DLGAP1: variants seen among roughly 807,000 people sequenced by gnomAD.
The protein encoded by DLGAP1 is disks large-associated protein 1.
In DLGAP1, 11 loss-of-function variants were observed where a neutral mutation model predicts 90.8. The ratio of observed to expected loss-of-function variants is 0.12; its 90% confidence interval spans 0.08 to 0.20. DLGAP1 has a LOEUF of 0.20. Ranked by LOEUF, DLGAP1 falls within the 10% of genes least tolerant of loss-of-function variation. DLGAP1 has a pLI of 1.00. For missense variants in DLGAP1, 1,050 were observed against 1,333.8 expected (o/e 0.79, Z 3.31); for synonymous variants, 558 against 540.7 (o/e 1.03, Z -0.44).
At chr18:4,107,107 A>G (rs939902213) in intron 2 of DLGAP1, among the ~76,000 whole-genome samples, 1 of 152,238 alleles carries the variant, frequency 6.6e-6, no homozygotes, top group Non-Finnish European at 1.5e-5. Context: ...TATTTGTTTT[A>G]AAACTGCCTA....
chr18:4,315,481 C>A (rs2080504639), intron 1 of DLGAP1, among the ~76,000 whole-genome samples: 1 of 152,090 alleles, frequency 6.6e-6, no homozygotes, highest in Non-Finnish European at 1.5e-5. Flanking sequence ...ATTATATTGA[C>A]TTATATAACT....
At chr18:3,633,979 A>G (rs1182363686) in intron 7 of DLGAP1, among the ~76,000 whole-genome samples, 2 of 152,210 alleles carry the variant, frequency 1.3e-5, no homozygotes, top group South Asian at 2.1e-4. Context: ...TAAAGATACA[A>G]TGTCAAGTAA....
Position 3,629,399 on chromosome 18 carries a change from C to T in DLGAP1, c.1592-47151G>A, listed in dbSNP as rs369115347. ...ATAAAAATAAAAAATAGGCTGGGCG[C>T]GGTGGCTCAACCCTGTAATCCCAGC... On this transcript the variant is annotated intron_variant, in intron 7 of 12. Transcript: ENST00000315677. 2.7e-4 allele frequency among the ~76,000 whole-genome samples: 41 copies of T among 152,140 alleles called. No homozygotes were observed. In the East Asian group the frequency reaches 7.2e-3, roughly 27 times the overall value.
chr18:3,679,211 C>G (rs538843207), intron 7 of DLGAP1, among the ~76,000 whole-genome samples: 2 of 113,224 alleles, frequency 1.8e-5, no homozygotes, highest in Non-Finnish European at 3.4e-5. Flanking sequence ...CCTACTCCCA[C>G]CCCCATGGAT....
At chr18:4,190,553 CTCA>C (rs1468503319) in intron 1 of DLGAP1, among the ~76,000 whole-genome samples, 3 of 152,060 alleles carry the variant, frequency 2.0e-5, no homozygotes, top group Non-Finnish European at 4.4e-5. Flanking sequence ...TTAATATTAG[CTCA>C]TCAATTGTAA....
chr18:4,212,085 A>T (rs1281482312), intron 1 of DLGAP1, among the ~76,000 whole-genome samples: 2 of 151,406 alleles, frequency 1.3e-5, no homozygotes, highest in African/African-American at 4.9e-5. Flanking sequence ...CAATAGAAAT[A>T]CATTTTTCCT....
intron 1 of DLGAP1, among the ~76,000 whole-genome samples, chr18:4,420,555 G>A (rs558526546): frequency 1.3e-5 from 2 of 151,166 alleles, no homozygotes; most frequent in Admixed American, 1.3e-4. Flanking sequence ...GGGTCCCTGA[G>A]CATTGGGCTC....
At chr18:3,531,995 C>T (rs2052036009) in intron 10 of DLGAP1, among the ~76,000 whole-genome samples, 1 of 152,094 alleles carries the variant, frequency 6.6e-6, no homozygotes, top group Admixed American at 6.6e-5. Context: ...GCTGGGATTA[C>T]AGGCGTGTGC....
chr18:4,362,921 C>T (rs1002310677), intron 1 of DLGAP1, among the ~76,000 whole-genome samples: 3 of 152,058 alleles, frequency 2.0e-5, no homozygotes. Flanking sequence ...ACAGCAGTTT[C>T]ACTGCTGGAG....
intron 3 of DLGAP1, among the ~76,000 whole-genome samples, chr18:3,906,348 T>C (rs929027385): frequency 6.6e-6 from 1 of 152,212 alleles, no homozygotes; most frequent in African/African-American, 2.4e-5. Flanking sequence ...TTTTGCTTTA[T>C]CTTATCTTGA....
At chr18:3,791,550 G>A (rs1310566806) in intron 5 of DLGAP1, among the ~76,000 whole-genome samples, 1 of 152,148 alleles carries the variant, frequency 6.6e-6, no homozygotes, top group Non-Finnish European at 1.5e-5. Flanking sequence ...GTGTGTGTGT[G>A]TTAGACAGGG....
chr18:4,224,886 T>C (rs1367748629), intron 1 of DLGAP1, among the ~76,000 whole-genome samples: 1 of 152,106 alleles, frequency 6.6e-6, no homozygotes, highest in Non-Finnish European at 1.5e-5. Flanking sequence ...CAGTAGGCTT[T>C]TGGGGGACCC....
At chr18:4,283,453 C>A (rs181195859) in intron 1 of DLGAP1, among the ~76,000 whole-genome samples, 1 of 152,134 alleles carries the variant, frequency 6.6e-6, no homozygotes. Flanking sequence ...TACTAGTTAC[C>A]ACCAATGGGT....
At chr18:4,059,183 G>C (rs2075264982) in intron 2 of DLGAP1, among the ~76,000 whole-genome samples, 1 of 152,190 alleles carries the variant, frequency 6.6e-6, no homozygotes, top group African/African-American at 2.4e-5. Context: ...TCCATGGTAA[G>C]ACTGGTTCAT....
At chr18:4,155,503 T>C (rs530371635) in intron 1 of DLGAP1, among the ~76,000 whole-genome samples, 5 of 152,308 alleles carry the variant, frequency 3.3e-5, no homozygotes, top group Non-Finnish European at 5.9e-5. Context: ...TCATAGACTT[T>C]TCTCCCACAG....
At chr18:4,010,612 G>A (rs576183509) in intron 2 of DLGAP1, among the ~76,000 whole-genome samples, 33 of 152,230 alleles carry the variant, frequency 2.2e-4, no homozygotes, top group Non-Finnish European at 4.1e-4. Context: ...GCAACAAAAA[G>A]CATAGGAATC....
At chr18:3,978,650 A>C (rs150257858) in intron 3 of DLGAP1, 2 of 169,930 alleles carry the variant, frequency 1.2e-5, no homozygotes, top group African/African-American at 4.7e-5. Flanking sequence ...CTGCATAAGA[A>C]TATGTAGCTG....
At chr18:3,852,462 A>T (rs992378481) in intron 4 of DLGAP1, among the ~76,000 whole-genome samples, 4 of 152,186 alleles carry the variant, frequency 2.6e-5, no homozygotes, top group Non-Finnish European at 5.9e-5. Context: ...TCAAGGAAAA[A>T]GGCAGCTTTG....
chr18:3,536,790 C>T (rs759450031), intron 9 of DLGAP1, among the ~76,000 whole-genome samples: 2 of 152,104 alleles, frequency 1.3e-5, no homozygotes, highest in East Asian at 1.9e-4. Context: ...TCAACCAAAG[C>T]GCCCTATATA....
Sources: gnomAD v4.1 joint callset for allele counts (sites outside exome capture counted in the v4.1 genomes callset) on GRCh38, gnomAD v4.1.1 for gene constraint, MANE v1.5 for transcripts, NCBI Gene and HGNC (gene_info 2026-07-23, HGNC 2026-07-21) for gene names.